ELMOD1: variants seen among roughly 807,000 people sequenced by gnomAD.
ELMOD1 encodes ELMO domain-containing protein 1.
ELMOD1 carries 21 observed loss-of-function variants against 46.7 expected under a neutral mutation model. That is an observed-to-expected ratio of 0.45 (90% CI 0.32 to 0.65). The LOEUF (loss-of-function observed/expected upper bound fraction) is 0.65, where lower values mean the gene tolerates loss of function less well. Among genes scored for constraint, ELMOD1 ranks in the 30% least tolerant of loss-of-function variants. The pLI, the probability that ELMOD1 is intolerant of heterozygous loss-of-function variation, is 0.04. For synonymous variants in ELMOD1, 122 were observed against 138.2 expected (o/e 0.88, Z 0.82); for missense variants, 348 against 407.8 (o/e 0.85, Z 1.26).
chr11:107,619,169 G>A (rs1044196472), intron 2 of ELMOD1, among the ~76,000 whole-genome samples: 4 of 152,150 alleles, frequency 2.6e-5, no homozygotes, highest in African/African-American at 4.8e-5. Context: ...AGATCAGTTT[G>A]TGTGGGATTC....
intron 9 of ELMOD1, among the ~76,000 whole-genome samples, chr11:107,652,657 T>C (rs893802637): frequency 6.6e-5 from 10 of 152,332 alleles, no homozygotes; most frequent in African/African-American, 2.4e-4. Flanking sequence ...TGGATATGAA[T>C]CTTTAAGGTA....
intron 1 of ELMOD1, among the ~76,000 whole-genome samples, chr11:107,598,943 A>G (rs1451126397): frequency 6.6e-6 from 1 of 152,216 alleles, no homozygotes; most frequent in Non-Finnish European, 1.5e-5. Flanking sequence ...GTGCGAGTCC[A>G]TTTTTACGTG....
At chr11:107,657,153 G>A (rs556984270) in intron 11 of ELMOD1, among the ~76,000 whole-genome samples, 18 of 152,252 alleles carry the variant, frequency 1.2e-4, no homozygotes, top group African/African-American at 3.6e-4. Context: ...AGATGACCCC[G>A]AAAACTTCCA....
At chr11:107,648,313 T>C (rs1866468406) in intron 7 of ELMOD1, among the ~76,000 whole-genome samples, 1 of 152,254 alleles carries the variant, frequency 6.6e-6, no homozygotes, top group Non-Finnish European at 1.5e-5. Flanking sequence ...TTCAGAACAG[T>C]TGTCCTGTAA....
chr11:107,649,761 T>C (rs556708792), intron 7 of ELMOD1, among the ~76,000 whole-genome samples: 21 of 152,364 alleles, frequency 1.4e-4, no homozygotes, highest in Non-Finnish European at 2.4e-4. Context: ...TATGAAGTAC[T>C]TTTTAATGAA....
chr11:107,622,433 C>T (rs1465599706), intron 2 of ELMOD1, among the ~76,000 whole-genome samples: 2 of 152,274 alleles, frequency 1.3e-5, no homozygotes, highest in Non-Finnish European at 2.9e-5. Flanking sequence ...ATTTTCACCC[C>T]GACTTAAAGA....
At position 107,644,946 on chromosome 11, in the gene ELMOD1, T is replaced by G. The variant is rs555201090; in HGVS notation, c.421-2522T>G. Among the ~76,000 whole-genome samples the G allele has an allele frequency of 5.7e-4, 86 of 149,882 alleles. No homozygotes were observed. In the Middle Eastern group the frequency reaches 0.01, roughly 18 times the overall value. The stretch of plus-strand genomic sequence containing the variant: ...TTTTTGTTTTTGTTTTTGTTTTTGA[T>G]AGACTCTCACTCTGTCGCCCGGGCT... On this transcript the variant is annotated intron_variant, in intron 6 of 11. Coordinates refer to ENST00000265840, the MANE Select transcript of ELMOD1 (RefSeq NM_018712.4).
At chr11:107,655,412 G>C (rs1866609731) in intron 10 of ELMOD1, among the ~76,000 whole-genome samples, 1 of 151,860 alleles carries the variant, frequency 6.6e-6, no homozygotes, top group South Asian at 2.1e-4. Context: ...GAAATAGAAA[G>C]GTCAAAGTAT....
intron 2 of ELMOD1, among the ~76,000 whole-genome samples, chr11:107,622,022 C>T (rs553881630): frequency 6.6e-6 from 1 of 152,222 alleles, no homozygotes; most frequent in South Asian, 2.1e-4. Flanking sequence ...AGCAAAACTC[C>T]ATCTCAAAAA....
intron 2 of ELMOD1, among the ~76,000 whole-genome samples, chr11:107,628,571 T>G (rs753824367): frequency 1.3e-5 from 2 of 151,496 alleles, no homozygotes; most frequent in Non-Finnish European, 2.9e-5. Context: ...GTTTTTTTTT[T>G]GGAAGCTGTT....
chr11:107,659,131 G>GAA (rs1452241727), intron 11 of ELMOD1, among the ~76,000 whole-genome samples: 3 of 152,142 alleles, frequency 2.0e-5, no homozygotes, highest in African/African-American at 7.2e-5. Flanking sequence ...ATAGAGCATA[G>GAA]GGTTTGCCGG....
At chr11:107,659,936 G>T (rs769831791) in intron 11 of ELMOD1, among the ~76,000 whole-genome samples, 11 of 152,012 alleles carry the variant, frequency 7.2e-5, no homozygotes, top group African/African-American at 1.5e-4. Flanking sequence ...GGATTGATAC[G>T]CTTCCAAGAG....
intron 6 of ELMOD1, 62 bp from the exon 7 acceptor site, chr11:107,647,406 C>T: frequency 1.3e-5 from 20 of 1,511,030 alleles, no homozygotes; most frequent in Non-Finnish European, 1.8e-5. Context: ...ATGTAGTTTA[C>T]AAAATCTGAA....
chr11:107,631,718 T>C (rs1254090504), intron 5 of ELMOD1, 41 bp downstream of exon 5: 1 of 1,129,150 alleles, frequency 8.9e-7, no homozygotes, highest in Non-Finnish European at 1.3e-6. Context: ...AGAACACAAA[T>C]CACATGGCCA....
At chr11:107,649,416 C>A (rs1039538338) in intron 7 of ELMOD1, among the ~76,000 whole-genome samples, 1 of 152,006 alleles carries the variant, frequency 6.6e-6, no homozygotes, top group African/African-American at 2.4e-5. Context: ...CAAAGTAAAA[C>A]GAGATAAGAC....
intron 2 of ELMOD1, among the ~76,000 whole-genome samples, chr11:107,626,828 T>C (rs1866052404): frequency 6.6e-6 from 1 of 152,206 alleles, no homozygotes; most frequent in South Asian, 2.1e-4. Flanking sequence ...GTTTTTTCCA[T>C]AAACTTTGTG....
At chr11:107,656,332 G>A (rs1866630548) in intron 11 of ELMOD1, among the ~76,000 whole-genome samples, 3 of 151,122 alleles carry the variant, frequency 2.0e-5, no homozygotes, top group Admixed American at 2.0e-4. Flanking sequence ...AGGTTGCAGT[G>A]AGCCGAGATC....
chr11:107,660,373 C>T (rs1437523771), intron 11 of ELMOD1, among the ~76,000 whole-genome samples: 1 of 152,138 alleles, frequency 6.6e-6, no homozygotes, highest in Non-Finnish European at 1.5e-5. Flanking sequence ...CACTGAGCTG[C>T]CAAGGTACTA....
chr11:107,610,998 C>CAAAAAAAAAAAA (rs58417281), intron 1 of ELMOD1, among the ~76,000 whole-genome samples: 24 of 95,746 alleles, frequency 2.5e-4, no homozygotes, highest in African/African-American at 3.4e-4. Flanking sequence ...TGTAAGAATC[C>CAAAAAAAAAAAA]AAAAAAAAAA....
Sources: gnomAD v4.1 joint callset for allele counts (sites outside exome capture counted in the v4.1 genomes callset) on GRCh38, gnomAD v4.1.1 for gene constraint, MANE v1.5 for transcripts, NCBI Gene and HGNC (gene_info 2026-07-23, HGNC 2026-07-21) for gene names.